STXBP6: variants seen among roughly 807,000 people sequenced by gnomAD.
The protein encoded by STXBP6 is syntaxin-binding protein 6.
A neutral mutation model predicts 26.9 loss-of-function variants in STXBP6; 21 were observed. The observed-to-expected ratio is 0.78, with a 90% confidence interval of 0.55 to 1.12. The LOEUF is 1.12. Among genes scored for constraint, STXBP6 ranks in the 50% most tolerant of loss-of-function variants. STXBP6 has a pLI of 0.00. For synonymous variants in STXBP6, 97 were observed against 92.6 expected, an observed-to-expected ratio of 1.05 and a Z score of -0.27; for missense variants, 232 against 257.9, an observed-to-expected ratio of 0.90 and a Z score of 0.69.
At chr14:24,972,050 A>T (rs2140185078) in intron 2 of STXBP6, among the ~76,000 whole-genome samples, 1 of 152,318 alleles carries the variant, frequency 6.6e-6, no homozygotes, top group African/African-American at 2.4e-5. Flanking sequence ...TTTGTCACTT[A>T]CAAGAAACAT....
intron 5 of STXBP6, among the ~76,000 whole-genome samples, chr14:24,813,273 G>A (rs1244977761): frequency 1.3e-5 from 2 of 152,048 alleles, no homozygotes; most frequent in African/African-American, 4.8e-5. Flanking sequence ...ACCAAATCCC[G>A]ACTTTGATTT....
intron 4 of STXBP6, among the ~76,000 whole-genome samples, chr14:24,835,103 G>C (rs2068573270): frequency 6.6e-6 from 1 of 152,178 alleles, no homozygotes; most frequent in Non-Finnish European, 1.5e-5. Context: ...CTTCTGGGCT[G>C]AGGTAATAGA....
chr14:25,023,403 T>C (rs1482097640), intron 1 of STXBP6, among the ~76,000 whole-genome samples: 2 of 152,238 alleles, frequency 1.3e-5, no homozygotes, highest in African/African-American at 2.4e-5. Context: ...TTGATTCATC[T>C]AAATTTGCAG....
In STXBP6 at chr14:24,976,157, T is replaced by C. The variant is rs544797124; in HGVS notation, c.-32-1307A>G. ...AGACATGGTCCCAGTTCTCCAGGAG[T>C]TGACTGCTAACTACATCAGAGGTTT... On this transcript the variant is annotated intron_variant, in intron 1 of 5. Transcript: ENST00000323944. Among the ~76,000 whole-genome samples, 3 of 152,302 alleles carry C rather than the reference T, an allele frequency of 2.0e-5. No homozygotes were observed. In the East Asian group the frequency reaches 5.8e-4, roughly 29 times the overall value.
At chr14:24,821,148 C>T (rs917701315) in intron 4 of STXBP6, among the ~76,000 whole-genome samples, 2 of 152,176 alleles carry the variant, frequency 1.3e-5, no homozygotes, top group African/African-American at 2.4e-5. Flanking sequence ...ATCTCCTTTT[C>T]CTGCCTCCTT....
intron 2 of STXBP6, among the ~76,000 whole-genome samples, chr14:24,911,715 T>TCCA (rs2139727966): frequency 6.6e-6 from 1 of 152,258 alleles, no homozygotes; most frequent in African/African-American, 2.4e-5. Context: ...CTCAGAGTGT[T>TCCA]CCAAACCTTT....
rs972424225 is a variant in STXBP6, at chr14:24,878,064, T to A, written c.155-20907A>T. Among the ~76,000 whole-genome samples the A allele has an allele frequency of 1.3e-4, 20 of 152,304 alleles. No individual in the cohort carries two copies. In the East Asian group the frequency reaches 3.3e-3, roughly 25 times the overall value. On this transcript the variant is annotated intron_variant, in intron 2 of 5. Transcript: ENST00000323944. ...TTTTTTCTTTTTGCCCATTTTTCTA[T>A]TGTGTTGACCACCTTTTTCTTAATG...
At chr14:24,842,156 G>A (rs182314569) in intron 4 of STXBP6, among the ~76,000 whole-genome samples, 1 of 152,288 alleles carries the variant, frequency 6.6e-6, no homozygotes, top group Admixed American at 6.5e-5. Flanking sequence ...TCCAGGTCTT[G>A]GGTGGGAGAC....
At chr14:24,939,843 G>C (rs985151655) in intron 2 of STXBP6, among the ~76,000 whole-genome samples, 1 of 152,114 alleles carries the variant, frequency 6.6e-6, no homozygotes, top group African/African-American at 2.4e-5. Context: ...TAGACTTCAT[G>C]GCACAATTTA....
chr14:24,970,343 C>T (rs1446378810), intron 2 of STXBP6, among the ~76,000 whole-genome samples: 2 of 152,290 alleles, frequency 1.3e-5, no homozygotes, highest in African/African-American at 4.8e-5. Context: ...TATACACCTA[C>T]GTAATCAACA....
At chr14:24,825,181 T>G (rs980766395) in intron 4 of STXBP6, among the ~76,000 whole-genome samples, 3 of 152,194 alleles carry the variant, frequency 2.0e-5, no homozygotes, top group African/African-American at 7.2e-5. Flanking sequence ...TAGGGCTTTT[T>G]TGCCGAGTAT....
At chr14:24,940,911 G>C (rs991760204) in intron 2 of STXBP6, among the ~76,000 whole-genome samples, 1 of 152,156 alleles carries the variant, frequency 6.6e-6, no homozygotes, top group Non-Finnish European at 1.5e-5. Flanking sequence ...AGCTACTTGG[G>C]AGGCAGAGGC....
In STXBP6 at chr14:24,911,754, C is replaced by A. The variant is rs79849553; in HGVS notation, c.155-54597G>T. On this transcript the variant is annotated intron_variant, in intron 2 of 5. Transcript: ENST00000323944. Reference sequence around the variant, plus strand: ...CTATTATCACCCTTTTCCCAGCAGCCACATCTGCAGCAGAGCACATAGCTT... The same window carrying A: ...CTATTATCACCCTTTTCCCAGCAGCAACATCTGCAGCAGAGCACATAGCTT... Among the ~76,000 whole-genome samples the A allele has an allele frequency of 3.3e-3, 506 of 152,308 alleles. 1 individual carries two copies. Among genetic ancestry groups the A allele is most frequent in the Non-Finnish European group, 6.1e-3 (414 of 68,036 alleles).
chr14:24,936,478 A>G (rs1332238237), intron 2 of STXBP6, among the ~76,000 whole-genome samples: 2 of 152,228 alleles, frequency 1.3e-5, no homozygotes, highest in Non-Finnish European at 2.9e-5. Flanking sequence ...TTCACTTTGC[A>G]AATAAATCTA....
intron 2 of STXBP6, among the ~76,000 whole-genome samples, chr14:24,861,540 T>G (rs570917556): frequency 1.3e-5 from 2 of 152,296 alleles, no homozygotes; most frequent in South Asian, 4.1e-4. Context: ...GTATGATAAT[T>G]CTGGGTGGAT....
intron 1 of STXBP6, among the ~76,000 whole-genome samples, chr14:25,039,242 T>G (rs2075603202): frequency 6.6e-6 from 1 of 152,208 alleles, no homozygotes; most frequent in East Asian, 1.9e-4. Flanking sequence ...AGGGGGTTAA[T>G]AGCATAGATT....
intron 2 of STXBP6, among the ~76,000 whole-genome samples, chr14:24,958,964 C>G (rs1159936900): frequency 3.3e-5 from 5 of 152,122 alleles, no homozygotes; most frequent in Non-Finnish European, 5.9e-5. Context: ...TGCTCTAGAA[C>G]AATGATCTAA....
intron 2 of STXBP6, among the ~76,000 whole-genome samples, chr14:24,961,495 A>C (rs2073537569): frequency 6.6e-6 from 1 of 152,200 alleles, no homozygotes; most frequent in Non-Finnish European, 1.5e-5. Flanking sequence ...GCTATAGAAA[A>C]GAATGAACAT....
intron 1 of STXBP6, among the ~76,000 whole-genome samples, chr14:25,009,116 A>G (rs2074972692): frequency 6.6e-6 from 1 of 152,182 alleles, no homozygotes; most frequent in Non-Finnish European, 1.5e-5. Flanking sequence ...GATCACTTCT[A>G]GTTAATTTGT....
Sources: gnomAD v4.1 joint callset for allele counts (sites outside exome capture counted in the v4.1 genomes callset) on GRCh38, gnomAD v4.1.1 for gene constraint, MANE v1.5 for transcripts, NCBI Gene and HGNC (gene_info 2026-07-23, HGNC 2026-07-21) for gene names.